Variants in DCC observed in about 807,000 individuals in gnomAD.
The protein encoded by DCC is netrin receptor DCC.
DCC carries 58 observed loss-of-function variants against 172.5 expected under a neutral mutation model. The observed-to-expected ratio is 0.34, with a 90% CI of 0.27 to 0.42. DCC has a LOEUF of 0.42. Among genes scored for constraint, DCC ranks in the 10% least tolerant of loss-of-function variants. The probability of loss-of-function intolerance (pLI) is 1.00; values close to 1 mark genes in which losing one functional copy is unlikely to be tolerated. For synonymous variants in DCC, 709 were observed against 644.5 expected, an observed-to-expected ratio of 1.10 and a Z score of -1.52; for missense variants, 1,740 against 1,791.0, an observed-to-expected ratio of 0.97 and a Z score of 0.51.
intron 14 of DCC, among the ~76,000 whole-genome samples, chr18:53,326,270 A>G (rs1257024430): frequency 6.6e-6 from 1 of 152,216 alleles, no homozygotes; most frequent in East Asian, 1.9e-4. Flanking sequence ...GTTACACGTT[A>G]TGATTTGAGA....
At chr18:53,351,384 GTATATATATATACAGTGTATATA>G (rs1568075033) in intron 15 of DCC, among the ~76,000 whole-genome samples, 2 of 20,322 alleles carry the variant, frequency 9.8e-5, no homozygotes, top group African/African-American at 3.5e-4. Flanking sequence ...TATATATACA[GTATATATATATACAGTGTATATA>G]TATATATATA....
chr18:52,515,810 C>T lies in DCC; in HGVS notation c.91+174932C>T, dbSNP rs79945475. Reference sequence around the variant, plus strand: ...AGACCCTTTGAAGAAGTTGAAAAGACAAGCTACAGACTAGGAGAAAATGTT... The same window carrying T: ...AGACCCTTTGAAGAAGTTGAAAAGATAAGCTACAGACTAGGAGAAAATGTT... On this transcript the variant is annotated intron_variant, in intron 1 of 28. Transcript: ENST00000442544. 5.1e-3 allele frequency among the ~76,000 whole-genome samples: 746 copies of T among 146,972 alleles called. 21 individuals carry two copies. The East Asian group carries it at 0.08, about 16-fold the overall frequency.
intron 5 of DCC, among the ~76,000 whole-genome samples, chr18:53,031,118 G>T (rs964247242): frequency 3.3e-5 from 5 of 152,100 alleles, no homozygotes; most frequent in African/African-American, 1.2e-4. Flanking sequence ...AATTAGCCAG[G>T]TTTTGTGGTG....
rs552929757 is a variant in DCC, at chr18:53,070,727, T to C, written c.1261+4561T>C. Among the ~76,000 whole-genome samples, 13 of 152,292 alleles carry C rather than the reference T, an allele frequency of 8.5e-5. No individual in the cohort carries two copies. The South Asian group carries it at 2.3e-3, about 27-fold the overall frequency. On this transcript the variant is annotated intron_variant, in intron 7 of 28. Coordinates refer to ENST00000442544, the MANE Select transcript of DCC (RefSeq NM_005215.4). Reference sequence around the variant, plus strand: ...GGTCGTTGTTTATTGTATTTGGCATTGGATTCAAAAGAAAGTAAAAGAAAA... The same window carrying C: ...GGTCGTTGTTTATTGTATTTGGCATCGGATTCAAAAGAAAGTAAAAGAAAA...
intron 5 of DCC, among the ~76,000 whole-genome samples, chr18:52,966,832 G>A (rs1439070656): frequency 6.6e-6 from 1 of 152,180 alleles, no homozygotes; most frequent in African/African-American, 2.4e-5. Flanking sequence ...TAACCAGTCT[G>A]TTTATTAAGC....
chr18:53,148,694 A>G (rs1045724226), intron 7 of DCC, among the ~76,000 whole-genome samples: 2 of 152,136 alleles, frequency 1.3e-5, no homozygotes, highest in African/African-American at 4.8e-5. Flanking sequence ...AATATGGAAC[A>G]ATACAATTTT....
At chr18:53,026,299 A>G (rs139662355) in intron 5 of DCC, among the ~76,000 whole-genome samples, 156 of 152,230 alleles carry the variant, frequency 1.0e-3, no homozygotes, top group East Asian at 4.8e-3. Flanking sequence ...TCTAATATGT[A>G]ATGATCTCTC....
chr18:52,614,490 C>T (rs1034855997), intron 1 of DCC, among the ~76,000 whole-genome samples: 3 of 152,106 alleles, frequency 2.0e-5, no homozygotes, highest in Non-Finnish European at 4.4e-5. Context: ...GGTTTTTGCC[C>T]ATTACTTTCA....
At chr18:53,022,251 G>T (rs900902418) in intron 5 of DCC, among the ~76,000 whole-genome samples, 3 of 151,922 alleles carry the variant, frequency 2.0e-5, no homozygotes, top group African/African-American at 7.3e-5. Context: ...CTTATTTTAA[G>T]ATGGGTTGAG....
intron 1 of DCC, among the ~76,000 whole-genome samples, chr18:52,601,019 CTT>C (rs1285311352): frequency 6.6e-6 from 1 of 151,902 alleles, no homozygotes; most frequent in African/African-American, 2.4e-5. Context: ...ATAAAAAGGA[CTT>C]TTACATGTGG....
At chr18:52,842,377 G>C (rs148646250) in intron 2 of DCC, among the ~76,000 whole-genome samples, 8 of 152,278 alleles carry the variant, frequency 5.3e-5, no homozygotes, top group African/African-American at 1.9e-4. Flanking sequence ...TAGTCTGAAG[G>C]CCTGAGAATC....
intron 5 of DCC, among the ~76,000 whole-genome samples, chr18:52,953,178 C>T (rs771636746): frequency 3.0e-4 from 46 of 152,040 alleles, no homozygotes; most frequent in African/African-American, 8.2e-4. Flanking sequence ...CAAATATTTA[C>T]GTTTTAAATG....
intron 1 of DCC, among the ~76,000 whole-genome samples, chr18:52,610,165 A>T (rs1568254034): frequency 1.7e-4 from 4 of 22,908 alleles, no homozygotes; most frequent in African/African-American, 4.2e-4. Flanking sequence ...AAAAAAAAAA[A>T]AAAAAAAAAA....
At chr18:52,795,318 G>A (rs1490397403) in intron 2 of DCC, among the ~76,000 whole-genome samples, 1 of 151,330 alleles carries the variant, frequency 6.6e-6, no homozygotes, top group African/African-American at 2.4e-5. Context: ...TTATTAATTT[G>A]TTAGGTTTTC....
rs773134961 is a variant in DCC at position 53,391,862 on chromosome 18, G to A, written c.2663G>A (p.Ser888Asn). 6.2e-7 allele frequency: 1 copy of A among 1,608,698 alleles called. No homozygotes were observed. Among genetic ancestry groups the A allele is most frequent in the Non-Finnish European group, 8.5e-7 (1 of 1,175,010 alleles). The change falls in exon 17 of 29, where the codon AGC becomes AAC. Residue 888 changes from serine to asparagine, a missense_variant. Around this residue, in one of 2 missense-constraint regions of DCC, gnomAD observed 1,732 missense variants for 1,767.4 expected, o/e 0.98. Transcript: ENST00000442544. The part of the protein sequence containing the change: ...VRLYTVRWRT[S>N]FSASAKYKSE... ...CTTTACACCGTCCGGTGGAGAACCA[G>A]CTTTTCTGCAAGTGCAAAATACAAG...
At chr18:52,894,458 T>C (rs972288331) in intron 2 of DCC, among the ~76,000 whole-genome samples, 1 of 149,918 alleles carries the variant, frequency 6.7e-6, no homozygotes, top group Admixed American at 6.7e-5. Context: ...ATATTATTTT[T>C]ATATATTAAT....
chr18:53,379,581 C>T (rs1344559709), intron 15 of DCC, among the ~76,000 whole-genome samples: 1 of 152,156 alleles, frequency 6.6e-6, no homozygotes, highest in Non-Finnish European at 1.5e-5. Flanking sequence ...GGGTCTCTCA[C>T]CTACCAAGTC....
chr18:53,293,933 CAT>C (rs1319241776), intron 12 of DCC, among the ~76,000 whole-genome samples: 8 of 152,124 alleles, frequency 5.3e-5, no homozygotes, highest in African/African-American at 1.9e-4. Context: ...TGTGAACAGT[CAT>C]AGATTGGGGA....
At chr18:53,292,118 C>T (rs1045363125) in intron 12 of DCC, among the ~76,000 whole-genome samples, 2 of 139,230 alleles carry the variant, frequency 1.4e-5, no homozygotes, top group African/African-American at 3.4e-5. Flanking sequence ...GCTCCACCCC[C>T]CCCCCCTTTT....
Sources: gnomAD v4.1 joint callset for allele counts (sites outside exome capture counted in the v4.1 genomes callset) on GRCh38, gnomAD v4.1.1 for gene constraint, gnomAD v4.1.1 regional missense constraint, MANE v1.5 for transcripts, NCBI Gene and HGNC (gene_info 2026-07-23, HGNC 2026-07-21) for gene names.